The following TBC1D8 variants were observed in gnomAD, a reference collection of about 807,000 sequenced individuals.
TBC1D8 encodes the protein TBC1 domain family member 8.
TBC1D8 carries 65 observed loss-of-function variants against 118.8 expected under a neutral mutation model. The observed-to-expected ratio is 0.55, with a 90% confidence interval of 0.45 to 0.67. The LOEUF is 0.67. Among genes scored for constraint, TBC1D8 ranks in the 30% least tolerant of loss-of-function variants. TBC1D8 has a pLI of 0.00. For missense variants in TBC1D8, 1,376 were observed against 1,471.2 expected, an observed-to-expected ratio of 0.94 and a Z score of 1.06; for synonymous variants, 566 against 595.8, an observed-to-expected ratio of 0.95 and a Z score of 0.73.
chr2:101,055,154 C>T (rs148477375), intron 3 of TBC1D8, among the ~76,000 whole-genome samples: 17,236 of 151,400 alleles, frequency 0.11, 1,203 homozygotes, highest in Non-Finnish European at 0.16. Flanking sequence ...CTTTGGGAGA[C>T]GGAGGTGGGC....
chr2:101,110,905 G>A (rs1429134226), intron 1 of TBC1D8, among the ~76,000 whole-genome samples: 1 of 151,284 alleles, frequency 6.6e-6, no homozygotes, highest in Admixed American at 6.6e-5. Flanking sequence ...ACTTGAACCC[G>A]GGAGGTGGAG....
In TBC1D8 at chr2:101,033,754, C is replaced by T. The variant is rs762467818; in HGVS notation, c.1608G>A (p.Ala536=). The change falls in exon 10 of 20, where the codon GCG becomes GCA. Residue 536 remains alanine, a synonymous_variant. Coordinates refer to ENST00000409318, the MANE Select transcript of TBC1D8 (RefSeq NM_001330348.2). The part of the protein sequence containing the change: ...RGRLWLLFSD[A]VTDLASHPGY... Reference sequence around the variant, plus strand: ...CAGGGTGTGAGGCAAGATCCGTCACCGCATCTGAGTTTTAAAAGCAATGTT... The same window carrying T: ...CAGGGTGTGAGGCAAGATCCGTCACTGCATCTGAGTTTTAAAAGCAATGTT... 2.4e-5 allele frequency: 39 copies of T among 1,611,320 alleles called. No individual in the cohort carries two copies. The highest frequency in any genetic ancestry group is 5.3e-5 in the African/African-American group (4 of 74,816).
intron 1 of TBC1D8, among the ~76,000 whole-genome samples, chr2:101,137,280 AC>A (rs1437865374): frequency 1.3e-5 from 2 of 150,676 alleles, no homozygotes; most frequent in African/African-American, 2.4e-5. Flanking sequence ...TGATCCGCCC[AC>A]CCCAGCCTCC....
chr2:101,149,092 G>A (rs774241838), intron 1 of TBC1D8, among the ~76,000 whole-genome samples: 25 of 152,104 alleles, frequency 1.6e-4, no homozygotes, highest in Non-Finnish European at 5.9e-5. Context: ...AATCAACAGG[G>A]TCTCCAAGAA....
In TBC1D8 at chr2:101,024,402, A is replaced by ATTTT. The variant is rs34272976; in HGVS notation, c.2521-1885_2521-1882dup. Among the ~76,000 whole-genome samples, 61 of 121,104 alleles carry ATTTT rather than the reference A, an allele frequency of 5.0e-4. 1 individual carries two copies. The highest frequency in any genetic ancestry group is 7.3e-4 in the Non-Finnish European group (44 of 60,348). The allele number at this position is 121,104 out of a possible 152,430, so 79.4% of individuals were successfully genotyped here. A position where few individuals can be genotyped will look rare whatever the true frequency, so the allele number is the denominator to read the frequency against. The stretch of plus-strand genomic sequence containing the variant: ...CTTAGACACCATCAGTGGGACTGTA[A>ATTTT]TTTTTTTTTTTTTTTTTTTTTGAGA... On this transcript the variant is annotated intron_variant, in intron 15 of 19. Coordinates refer to ENST00000409318, the MANE Select transcript of TBC1D8 (RefSeq NM_001330348.2).
intron 1 of TBC1D8, among the ~76,000 whole-genome samples, chr2:101,095,750 C>G (rs192002740): frequency 2.2e-4 from 34 of 152,006 alleles, no homozygotes; most frequent in Non-Finnish European, 2.2e-4. Context: ...TTTTCTAGAG[C>G]CTTTTCCACC....
chr2:101,091,330 C>A (rs181590721), intron 1 of TBC1D8, among the ~76,000 whole-genome samples: 1 of 152,198 alleles, frequency 6.6e-6, no homozygotes, highest in South Asian at 2.1e-4. Flanking sequence ...CTTTTACAGA[C>A]CATAAAGCAC....
At chr2:101,019,108 T>A (rs1232693733) in intron 17 of TBC1D8, 3 of 1,566,206 alleles carry the variant, frequency 1.9e-6, no homozygotes, top group Non-Finnish European at 2.6e-6. Context: ...CTGCAGCAGA[T>A]GCCTTTACAA....
At chr2:101,022,854 C>G (rs1215790999) in intron 15 of TBC1D8, among the ~76,000 whole-genome samples, 1 of 152,098 alleles carries the variant, frequency 6.6e-6, no homozygotes, top group Non-Finnish European at 1.5e-5. Context: ...TAAAATCCTA[C>G]TTTTTTGGCC....
chr2:101,117,292 G>T (rs1470783697), intron 1 of TBC1D8, among the ~76,000 whole-genome samples: 3 of 152,122 alleles, frequency 2.0e-5, no homozygotes, highest in African/African-American at 7.2e-5. Flanking sequence ...GCCCAACTCA[G>T]GCCCTGGCTC....
intron 3 of TBC1D8, among the ~76,000 whole-genome samples, chr2:101,058,529 A>T (rs1012484248): frequency 4.6e-5 from 7 of 152,186 alleles, no homozygotes; most frequent in African/African-American, 1.4e-4. Context: ...TGGGGCTTTT[A>T]AAGCACTGAT....
intron 1 of TBC1D8, among the ~76,000 whole-genome samples, chr2:101,118,467 C>CCATCAGATT (rs1677934088): frequency 1.3e-5 from 2 of 151,618 alleles, no homozygotes; most frequent in Non-Finnish European, 1.5e-5. Context: ...GAGGCCAAGG[C>CCATCAGATT]GGGTGGATCA....
chr2:101,103,355 C>CA (rs200886858), intron 1 of TBC1D8, among the ~76,000 whole-genome samples: 207 of 101,136 alleles, frequency 2.0e-3, no homozygotes, highest in African/African-American at 5.5e-3. Context: ...AAGCAGGAAA[C>CA]AAAAAAAAAA....
chr2:101,150,077 C>T (rs1429612766), intron 1 of TBC1D8, among the ~76,000 whole-genome samples: 1 of 152,202 alleles, frequency 6.6e-6, no homozygotes, highest in Non-Finnish European at 1.5e-5. Context: ...CCAGCTTTCT[C>T]AGAAGCTAAA....
chr2:101,077,133 C>A (rs1436192902), intron 2 of TBC1D8, among the ~76,000 whole-genome samples: 1 of 152,020 alleles, frequency 6.6e-6, no homozygotes, highest in East Asian at 1.9e-4. Flanking sequence ...ACGCCATTCT[C>A]CTGCCTCAGC....
rs369896413 is a variant in TBC1D8, at chr2:101,033,665, T to C, written c.1697A>G (p.Glu566Gly). Residue 566 changes from glutamate to glycine, a missense_variant, in exon 10 of 20, where the codon GAA becomes GGA. Coordinates refer to ENST00000409318, the MANE Select transcript of TBC1D8 (RefSeq NM_001330348.2). Reference sequence around the variant, plus strand: ...TGGCAGGGAGCGGTGCAGGTCTCGTTCTATCTCCTCGGTTACCAGGCAGCA... The same window carrying C: ...TGGCAGGGAGCGGTGCAGGTCTCGTCCTATCTCCTCGGTTACCAGGCAGCA... ...GKCCLVTEEI[E>G]RDLHRSLPEH... 47 of 1,613,774 alleles carry C rather than the reference T, an allele frequency of 2.9e-5. No individual in the cohort carries two copies. The highest frequency in any genetic ancestry group is 3.6e-5 in the Non-Finnish European group (42 of 1,179,886).
At position 101,038,552 on chromosome 2, in the gene TBC1D8, C is replaced by T. The variant is rs778237994; in HGVS notation, c.1184G>A (p.Arg395Gln). 9 of 1,613,800 alleles carry T rather than the reference C, an allele frequency of 5.6e-6. No individual in the cohort carries two copies. The highest frequency in any genetic ancestry group is 2.2e-5 in the East Asian group (1 of 44,890). ...VAFQFIELRD[R>Q]DSLVEALLAR... ...AAGCAGCGCCTCCACCAGGCTGTCT[C>T]GGTCCCGGAGCTCAATGAACTGGAA... The change falls in exon 7 of 20, where the codon CGA becomes CAA. Residue 395 changes from arginine (R) to glutamine (Q), a missense_variant. By Grantham distance (43) the Arg-to-Gln change is conservative (BLOSUM62 1). Coordinates refer to ENST00000409318, the MANE Select transcript of TBC1D8 (RefSeq NM_001330348.2).
intron 1 of TBC1D8, among the ~76,000 whole-genome samples, chr2:101,131,982 A>C (rs1021295824): frequency 1.3e-5 from 2 of 152,216 alleles, no homozygotes; most frequent in Non-Finnish European, 2.9e-5. Flanking sequence ...ACACAGACTA[A>C]AAATACTTCA....
rs1054236143 is a variant in TBC1D8, at chr2:101,050,256, C to T, written c.872+145G>A. 2.7e-5 allele frequency: 33 copies of T among 1,208,598 alleles called. 1 individual carries two copies. In the Middle Eastern group the frequency reaches 8.9e-4, roughly 33 times the overall value. The allele number at this position is 1,208,598 out of a possible 1,614,324, so 74.9% of individuals were successfully genotyped here. On this transcript the variant is annotated intron_variant, in intron 5 of 19. Transcript: ENST00000409318. ...TCTGTCATATCTCTGTCGAGATTAACGACATACAAAAATCTGGATTATGCC... is the reference window on the plus strand; with the variant it reads ...TCTGTCATATCTCTGTCGAGATTAATGACATACAAAAATCTGGATTATGCC...
Sources: allele counts gnomAD v4.1 joint callset (sites outside exome capture counted in the v4.1 genomes callset), GRCh38; gene constraint gnomAD v4.1.1; transcripts MANE v1.5; gene names NCBI Gene and HGNC (gene_info 2026-07-23, HGNC 2026-07-21).